BEGAIN: variants seen among roughly 807,000 people sequenced by gnomAD.
BEGAIN encodes the protein brain enriched guanylate kinase associated.
A neutral mutation model predicts 35.8 loss-of-function variants in BEGAIN; 19 were observed. The observed-to-expected ratio is 0.53, with a 90% CI of 0.37 to 0.78. BEGAIN has a LOEUF of 0.78. Ranked by LOEUF, BEGAIN falls within the 30% of genes least tolerant of loss-of-function variation. The pLI is 0.00. For missense variants in BEGAIN, 795 were observed against 853.6 expected (o/e 0.93, Z 0.85); for synonymous variants, 462 against 388.6 (o/e 1.19, Z -2.22).
Position 100,538,243 on chromosome 14 carries a change from G to A in BEGAIN, c.1565C>T (p.Pro522Leu). 2 of 1,570,836 alleles carry A rather than the reference G, an allele frequency of 1.3e-6. No individual in the cohort carries two copies. Among genetic ancestry groups the A allele is most frequent in the Non-Finnish European group, 1.7e-6 (2 of 1,165,984 alleles). The change falls in exon 7 of 7, where the codon CCC (proline) becomes CTC (leucine). Residue 522 changes from proline to leucine, a missense_variant. By Grantham distance (98) the Pro-to-Leu change is moderately conservative. Transcript: ENST00000554140. ...GGGCAGTGGGTCAGCCGAGCGGCCG[G>A]GACTGAGGCTCAGGTCGCCGCCCGC... ...LRAGGDLSLSPGRSADPLPGY... is the reference protein window; with the variant it reads ...LRAGGDLSLSLGRSADPLPGY...
chr14:100,577,504 G>A (rs896833004), intron 1 of BEGAIN: 1 of 399,348 alleles, frequency 2.5e-6, no homozygotes, highest in Non-Finnish European at 4.4e-6. Flanking sequence ...GGCCTCCTGG[G>A]CTAGACCTTG....
chr14:100,578,079 C>T (rs942391011), intron 1 of BEGAIN: 1 of 397,804 alleles, frequency 2.5e-6, no homozygotes, highest in African/African-American at 2.1e-5. Context: ...CCAGGGCTGC[C>T]TGCCAGATGC....
intron 1 of BEGAIN, among the ~76,000 whole-genome samples, chr14:100,571,962 C>T (rs906543828): frequency 1.3e-5 from 2 of 152,206 alleles, no homozygotes; most frequent in South Asian, 2.1e-4. Context: ...CTGCATCTCC[C>T]TGTGTCCAGG....
intron 1 of BEGAIN, among the ~76,000 whole-genome samples, chr14:100,579,336 G>A (rs1420547457): frequency 1.3e-5 from 2 of 152,370 alleles, no homozygotes; most frequent in Admixed American, 6.5e-5. Context: ...GAGGCCTCGG[G>A]TGTAGTTAGG....
In BEGAIN at chr14:100,563,045, G is replaced by A. The variant is rs1457578037; in HGVS notation, c.71+4866C>T. On this transcript the variant is annotated intron_variant, in intron 2 of 6. Transcript: ENST00000554140. The surrounding 1 kb of genome is among the most constrained non-coding windows in gnomAD (Gnocchi z 4.2). ...GGTGCCCTTTGAGGGGGGGCGTGGA[G>A]GGGCAGGGCAGGACAGGGTCAGGAC... 3.9e-5 allele frequency among the ~76,000 whole-genome samples: 6 copies of A among 152,208 alleles called. No homozygotes were observed. In the East Asian group the frequency reaches 7.7e-4, roughly 20 times the overall value.
intron 2 of BEGAIN, among the ~76,000 whole-genome samples, chr14:100,566,671 T>C (rs1202485260): frequency 6.6e-6 from 1 of 152,180 alleles, no homozygotes; most frequent in African/African-American, 2.4e-5. Flanking sequence ...CGCCCCCACC[T>C]GGACCTTGGC....
chr14:100,561,961 G>A (rs1417368162), intron 2 of BEGAIN, among the ~76,000 whole-genome samples: 2 of 152,122 alleles, frequency 1.3e-5, no homozygotes, highest in Non-Finnish European at 2.9e-5. Context: ...TCATACCCCA[G>A]CTGTCAGTGT....
intron 1 of BEGAIN, chr14:100,569,452 T>C (rs1212543190): frequency 2.0e-5 from 3 of 152,282 alleles, no homozygotes; most frequent in Admixed American, 1.3e-4. Flanking sequence ...TGACAGCGCT[T>C]CTCATGCTAG....
chr14:100,559,711 C>T (rs12891234), intron 2 of BEGAIN, among the ~76,000 whole-genome samples: 66 of 152,066 alleles, frequency 4.3e-4, no homozygotes, highest in African/African-American at 1.4e-3. Flanking sequence ...TATCAGTAAT[C>T]GTGGACTGCA....
At chr14:100,557,055 T>C (rs574973258) in intron 2 of BEGAIN, among the ~76,000 whole-genome samples, 7 of 150,750 alleles carry the variant, frequency 4.6e-5, no homozygotes, top group Admixed American at 3.3e-4. Flanking sequence ...CAGCGCCGGC[T>C]CTGCCGGCCT....
intron 6 of BEGAIN, 97 bp from the exon 7 acceptor site, chr14:100,539,412 G>A: frequency 6.8e-7 from 1 of 1,475,662 alleles, no homozygotes; most frequent in Non-Finnish European, 8.9e-7. Context: ...TGTTAGCCAT[G>A]ACCGACAGGC....
rs928949288 is a variant in BEGAIN, at chr14:100,563,270, T to C, written c.71+4641A>G. Among the ~76,000 whole-genome samples the C allele has an allele frequency of 3.5e-4, 54 of 152,338 alleles. No homozygotes were observed. Among genetic ancestry groups the C allele is most frequent in the African/African-American group, 1.2e-3 (51 of 41,578 alleles). On this transcript the variant is annotated intron_variant, in intron 2 of 6. Transcript: ENST00000554140. The surrounding 1 kb of genome is among the most constrained non-coding windows in gnomAD (Gnocchi z 4.2). ...ACCAGAACCAAAAAGGAGCTCAACC[T>C]TGACCTCTAACCACATGCAAACCCA... is the stretch of plus-strand genomic sequence containing the variant.
At chr14:100,559,070 G>A (rs985519953) in intron 2 of BEGAIN, among the ~76,000 whole-genome samples, 9 of 152,180 alleles carry the variant, frequency 5.9e-5, no homozygotes, top group Non-Finnish European at 1.2e-4. Context: ...CTCTTCCTGG[G>A]GGCCCCAGAG....
chr14:100,565,818 G>A (rs1037150931), intron 2 of BEGAIN, among the ~76,000 whole-genome samples: 28 of 152,182 alleles, frequency 1.8e-4, no homozygotes, highest in African/African-American at 6.3e-4. Context: ...GTTGTGGTTA[G>A]GACACCCACT....
intron 5 of BEGAIN, among the ~76,000 whole-genome samples, chr14:100,543,133 A>C (rs940999405): frequency 4.6e-5 from 7 of 152,146 alleles, no homozygotes; most frequent in Non-Finnish European, 1.0e-4. Flanking sequence ...AGGTCCTGGC[A>C]CAGCAGCCCC....
rs753803553 is a variant in BEGAIN at position 100,573,979 on chromosome 14, TGGA to T, written c.43-6043_43-6041del. Among the ~76,000 whole-genome samples, 1 of 151,670 alleles carries T rather than the reference TGGA, an allele frequency of 6.6e-6. No homozygotes were observed. The highest frequency in any genetic ancestry group is 1.5e-5 in the Non-Finnish European group (1 of 67,904). The stretch of plus-strand genomic sequence containing the variant: ...GTGGGAGGAGAGTCTGCATTAAGGG[TGGA>T]GGTGGTCCTTCGGGGGCTGTCTCAA... On this transcript the variant is annotated intron_variant, in intron 1 of 6. Coordinates refer to ENST00000554140, the MANE Select transcript of BEGAIN (RefSeq NM_001385089.1). This position sits in a 1 kb window ranked among gnomAD's most constrained non-coding sequence, Gnocchi z 4.2.
chr14:100,582,422 C>T (rs1375215966), intron 1 of BEGAIN, among the ~76,000 whole-genome samples: 1 of 152,196 alleles, frequency 6.6e-6, no homozygotes, highest in Non-Finnish European at 1.5e-5. Flanking sequence ...GGATTACAGG[C>T]GTGAGCCACC....
chr14:100,562,594 G>A (rs1247158596), intron 2 of BEGAIN, among the ~76,000 whole-genome samples: 5 of 137,186 alleles, frequency 3.6e-5, no homozygotes, highest in Admixed American at 8.1e-5. Context: ...CCCGTCGCTC[G>A]AGCCTCCAAC....
intron 2 of BEGAIN, chr14:100,547,567 A>C (rs1170153702): frequency 6.6e-6 from 1 of 152,352 alleles, no homozygotes; most frequent in Non-Finnish European, 1.5e-5. Flanking sequence ...GGAGCTCCCC[A>C]AGGCAGGGGC....
Sources: gnomAD v4.1 joint callset for allele counts (sites outside exome capture counted in the v4.1 genomes callset) on GRCh38, gnomAD v4.1.1 for gene constraint, Gnocchi (gnomAD v3.1) non-coding constraint, MANE v1.5 for transcripts, NCBI Gene and HGNC (gene_info 2026-07-23, HGNC 2026-07-21) for gene names.